Variants in PCDH9 observed in about 807,000 individuals in gnomAD.
PCDH9 encodes the protein protocadherin-9.
Under a neutral mutation model 70.6 loss-of-function variants are expected in PCDH9, and 24 were observed. The observed-to-expected ratio is 0.34, with a 90% CI of 0.25 to 0.48. The LOEUF (loss-of-function observed/expected upper bound fraction) is 0.48, where lower values mean the gene tolerates loss of function less well. PCDH9 is among the 20% of genes least tolerant of loss of function. The pLI, the probability that PCDH9 is intolerant of heterozygous loss-of-function variation, is 0.99. For synonymous variants in PCDH9, 562 were observed against 558.5 expected, an observed-to-expected ratio of 1.01 and a Z score of -0.09; for missense variants, 1,281 against 1,503.6, an observed-to-expected ratio of 0.85 and a Z score of 2.45.
intron 3 of PCDH9, among the ~76,000 whole-genome samples, chr13:66,741,917 C>G (rs1238480682): frequency 6.7e-6 from 1 of 149,886 alleles, no homozygotes; most frequent in Non-Finnish European, 1.5e-5. Context: ...GCCATACTGC[C>G]CAAGGTAATT....
chr13:66,920,775 T>C (rs2082625353), intron 2 of PCDH9, among the ~76,000 whole-genome samples: 1 of 151,244 alleles, frequency 6.6e-6, no homozygotes, highest in African/African-American at 2.4e-5. Context: ...CTGTTTCCAG[T>C]GAGCTATAAT....
chr13:66,472,431 G>A (rs1459334718), intron 4 of PCDH9, among the ~76,000 whole-genome samples: 1 of 151,798 alleles, frequency 6.6e-6, no homozygotes, highest in Non-Finnish European at 1.5e-5. Flanking sequence ...AATTAGTCAG[G>A]CATGGTGGCA....
intron 2 of PCDH9, chr13:67,216,914 A>G (rs1192112696): frequency 6.6e-6 from 1 of 151,710 alleles, no homozygotes; most frequent in Non-Finnish European, 1.5e-5. Context: ...TAGACATCCA[A>G]TGTGAAAATC....
At chr13:66,515,494 C>A (rs1055004815) in intron 4 of PCDH9, among the ~76,000 whole-genome samples, 4 of 151,742 alleles carry the variant, frequency 2.6e-5, no homozygotes, top group African/African-American at 9.7e-5. Context: ...AAACAATTAT[C>A]ATATACGGTT....
At chr13:66,849,118 G>A (rs1315003244) in intron 3 of PCDH9, among the ~76,000 whole-genome samples, 1 of 151,534 alleles carries the variant, frequency 6.6e-6, no homozygotes, top group Admixed American at 6.6e-5. Context: ...ATAATAATTG[G>A]GTATCCAAAG....
chr13:66,425,850 G>A (rs994422287), intron 4 of PCDH9, among the ~76,000 whole-genome samples: 1 of 151,692 alleles, frequency 6.6e-6, no homozygotes, highest in Non-Finnish European at 1.5e-5. Flanking sequence ...AAACTGTCCT[G>A]AGAAAAGTCT....
At chr13:66,331,308 G>A (rs543658096) in intron 4 of PCDH9, among the ~76,000 whole-genome samples, 58 of 152,238 alleles carry the variant, frequency 3.8e-4, no homozygotes, top group African/African-American at 1.3e-3. Flanking sequence ...GAAAAATCCA[G>A]TCTTGGCAAA....
At chr13:66,685,527 C>G (rs1286469895) in intron 3 of PCDH9, among the ~76,000 whole-genome samples, 1 of 152,142 alleles carries the variant, frequency 6.6e-6, no homozygotes, top group Non-Finnish European at 1.5e-5. Flanking sequence ...GGTTGGAGCC[C>G]CCACACAGAG....
rs189049050 is a variant in PCDH9 at position 67,115,814 on chromosome 13, A to G, written c.3036+109591T>C. Among the ~76,000 whole-genome samples, 495 of 152,302 alleles carry G rather than the reference A, an allele frequency of 3.3e-3. 1 individual carries two copies. The highest frequency in any genetic ancestry group is 0.011 in the African/African-American group (445 of 41,564). Reference sequence around the variant, plus strand: ...ATCTTACTGGTTTCTTCATTAATTAATGGATTAAATAAAATATTTGACAGG... The same window carrying G: ...ATCTTACTGGTTTCTTCATTAATTAGTGGATTAAATAAAATATTTGACAGG... On this transcript the variant is annotated intron_variant, in intron 2 of 4. Coordinates refer to ENST00000377865, the MANE Select transcript of PCDH9 (RefSeq NM_203487.3).
At chr13:66,534,172 C>T (rs2138639740) in intron 4 of PCDH9, among the ~76,000 whole-genome samples, 1 of 152,156 alleles carries the variant, frequency 6.6e-6, no homozygotes, top group East Asian at 1.9e-4. Flanking sequence ...AGCAGATATT[C>T]TCTAGGACTA....
At chr13:66,455,198 T>C (rs757543618) in intron 4 of PCDH9, among the ~76,000 whole-genome samples, 1 of 151,852 alleles carries the variant, frequency 6.6e-6, no homozygotes, top group East Asian at 1.9e-4. Context: ...TCAGTTCTCT[T>C]AATCTCAGCC....
intron 2 of PCDH9, among the ~76,000 whole-genome samples, chr13:66,989,104 G>A (rs968823180): frequency 6.6e-6 from 1 of 151,832 alleles, no homozygotes; most frequent in Non-Finnish European, 1.5e-5. Context: ...TTGGGGGCAG[G>A]AATTAAAGAT....
At chr13:66,802,418 G>A (rs1174939695) in intron 3 of PCDH9, among the ~76,000 whole-genome samples, 1 of 151,974 alleles carries the variant, frequency 6.6e-6, no homozygotes, top group East Asian at 1.9e-4. Flanking sequence ...TGGAAATTAA[G>A]ATTATTCACC....
intron 4 of PCDH9, among the ~76,000 whole-genome samples, chr13:66,391,098 C>A (rs986001370): frequency 6.6e-6 from 1 of 152,076 alleles, no homozygotes; most frequent in African/African-American, 2.4e-5. Flanking sequence ...CAATATTGTC[C>A]CTTATTTTAA....
At chr13:66,381,390 A>C (rs114431414) in intron 4 of PCDH9, among the ~76,000 whole-genome samples, 3,611 of 152,340 alleles carry the variant, frequency 0.024, 139 homozygotes, top group African/African-American at 0.082. Flanking sequence ...CTCAAATAGT[A>C]AAACTTATGT....
At chr13:67,188,179 G>A (rs1026194484) in intron 2 of PCDH9, among the ~76,000 whole-genome samples, 15 of 152,080 alleles carry the variant, frequency 9.9e-5, no homozygotes, top group South Asian at 2.1e-4. Context: ...CTTATCATGC[G>A]AATTTCTGTG....
intron 3 of PCDH9, among the ~76,000 whole-genome samples, chr13:66,760,859 G>A (rs1281959365): frequency 6.6e-6 from 1 of 152,142 alleles, no homozygotes; most frequent in Non-Finnish European, 1.5e-5. Context: ...TTATGCAGTT[G>A]TAGATAAGGG....
intron 2 of PCDH9, among the ~76,000 whole-genome samples, chr13:67,008,111 T>C (rs767701925): frequency 6.6e-5 from 10 of 152,236 alleles, no homozygotes; most frequent in Middle Eastern, 3.4e-3. Flanking sequence ...TTGCATAGAT[T>C]TGGAATAAGA....
chr13:66,464,701 G>C (rs1594022709), intron 4 of PCDH9, among the ~76,000 whole-genome samples: 1 of 151,830 alleles, frequency 6.6e-6, no homozygotes, highest in African/African-American at 2.4e-5. Flanking sequence ...CTCCAGAGAG[G>C]GGACTGCAAG....
Sources: allele counts gnomAD v4.1 joint callset (sites outside exome capture counted in the v4.1 genomes callset), GRCh38; gene constraint gnomAD v4.1.1; transcripts MANE v1.5; gene names NCBI Gene and HGNC (gene_info 2026-07-23, HGNC 2026-07-21).